The following STK31 variants were observed in gnomAD, a reference collection of about 807,000 sequenced individuals.
STK31 encodes the protein serine/threonine-protein kinase 31.
Under a neutral mutation model 129.7 loss-of-function variants are expected in STK31, and 89 were observed. The ratio of observed to expected loss-of-function variants is 0.69; its 90% CI spans 0.58 to 0.82. The LOEUF is 0.82. STK31 is among the 40% of genes least tolerant of loss of function. The probability of loss-of-function intolerance (pLI) is 0.00; values close to 1 mark genes in which losing one functional copy is unlikely to be tolerated. For synonymous variants in STK31, 448 were observed against 395.3 expected, an observed-to-expected ratio of 1.13 and a Z score of -1.58; for missense variants, 1,187 against 1,176.4, an observed-to-expected ratio of 1.01 and a Z score of -0.13.
chr7:23,821,926 A>G (rs1562633037), intron 23 of STK31, among the ~76,000 whole-genome samples: 1 of 151,858 alleles, frequency 6.6e-6, no homozygotes, highest in Admixed American at 6.6e-5. Context: ...TCCCCAGTAT[A>G]TGTTCTTGGT....
At chr7:23,764,743 G>GGTT (rs1311869636) in intron 11 of STK31, among the ~76,000 whole-genome samples, 1 of 151,758 alleles carries the variant, frequency 6.6e-6, no homozygotes, top group African/African-American at 2.4e-5. Flanking sequence ...TTGTTCTTTT[G>GGTT]GTTCTTGTTC....
chr7:23,816,057 A>C (rs55688543), intron 23 of STK31, among the ~76,000 whole-genome samples: 1,570 of 152,224 alleles, frequency 0.01, 34 homozygotes, highest in African/African-American at 0.035. Context: ...ATACCTTCTA[A>C]TGTCCCACGA....
intron 22 of STK31, among the ~76,000 whole-genome samples, chr7:23,810,867 A>G (rs1242404468): frequency 4.3e-5 from 6 of 140,712 alleles, no homozygotes; most frequent in Non-Finnish European, 6.1e-5. Flanking sequence ...AATATATATT[A>G]TATATAAATA....
chr7:23,753,495 A>G (rs1397954753), intron 9 of STK31, among the ~76,000 whole-genome samples: 1 of 152,206 alleles, frequency 6.6e-6, no homozygotes, highest in African/African-American at 2.4e-5. Flanking sequence ...GGGTTGGAAA[A>G]TGAATGAGTG....
At chr7:23,725,272 T>A (rs1389049505) in intron 4 of STK31, among the ~76,000 whole-genome samples, 6 of 144,954 alleles carry the variant, frequency 4.1e-5, no homozygotes, top group Admixed American at 3.6e-4. Context: ...TGGGGGCTCA[T>A]GCCCGTAATC....
chr7:23,791,072 C>T, intron 22 of STK31, 126 bp downstream of exon 22: 1 of 1,009,036 alleles, frequency 9.9e-7, no homozygotes, highest in Non-Finnish European at 1.3e-6. Flanking sequence ...TAAGTTTTAA[C>T]AAAAACTATT....
intron 15 of STK31, among the ~76,000 whole-genome samples, chr7:23,781,161 A>T (rs1425568132): frequency 6.6e-6 from 1 of 152,246 alleles, no homozygotes; most frequent in Non-Finnish European, 1.5e-5. Flanking sequence ...TCTACAGCAG[A>T]TGAAGAGACA....
At chr7:23,739,985 A>C (rs1562563016) in intron 8 of STK31, among the ~76,000 whole-genome samples, 1 of 152,160 alleles carries the variant, frequency 6.6e-6, no homozygotes, top group East Asian at 1.9e-4. Context: ...TGAAATTTAA[A>C]GTAGTTTTTT....
At chr7:23,771,234 T>A in intron 14 of STK31, 110 bp downstream of exon 14, 1 of 954,400 alleles carries the variant, frequency 1.0e-6, no homozygotes, top group Non-Finnish European at 1.4e-6. Flanking sequence ...TTGTTATTAC[T>A]AGAATTCACT....
chr7:23,792,258 C>T (rs1318453982), intron 22 of STK31, among the ~76,000 whole-genome samples: 1 of 152,050 alleles, frequency 6.6e-6, no homozygotes, highest in South Asian at 2.1e-4. Context: ...TACATAAAAG[C>T]TACTAGAACA....
chr7:23,743,779 G>C (rs946486061), intron 8 of STK31, among the ~76,000 whole-genome samples: 1 of 151,822 alleles, frequency 6.6e-6, no homozygotes, highest in African/African-American at 2.4e-5. Flanking sequence ...ATACTTGTTT[G>C]CAGTGTGGTG....
At chr7:23,715,452 CAAAAAAAA>C (rs5882910) in intron 3 of STK31, among the ~76,000 whole-genome samples, 61 of 128,418 alleles carry the variant, frequency 4.8e-4, no homozygotes, top group Admixed American at 1.3e-3. Context: ...CTTGTCGCTA[CAAAAAAAA>C]AAAAAAAAAT....
intron 17 of STK31, 72 bp from the exon 18 acceptor site, chr7:23,785,406 C>G (rs1184739587): frequency 6.4e-7 from 1 of 1,569,044 alleles, no homozygotes; most frequent in Non-Finnish European, 8.7e-7. Context: ...TATCGTGTAA[C>G]TAATTATTTT....
At chr7:23,776,377 G>C (rs1163241645) in intron 15 of STK31, among the ~76,000 whole-genome samples, 2 of 151,908 alleles carry the variant, frequency 1.3e-5, no homozygotes, top group Admixed American at 1.3e-4. Flanking sequence ...CTCTTTTTCT[G>C]TTGTTTGGAA....
At chr7:23,771,462 C>T (rs1790188809) in intron 14 of STK31, 2 of 162,634 alleles carry the variant, frequency 1.2e-5, no homozygotes. Flanking sequence ...TATTTACTCA[C>T]TGGATGTGCA....
intron 4 of STK31, 107 bp downstream of exon 4, chr7:23,717,686 AT>A (rs1786433219): frequency 6.2e-6 from 5 of 803,086 alleles, no homozygotes; most frequent in Non-Finnish European, 9.9e-6. Flanking sequence ...GAAGAGGCTG[AT>A]TTTTGGAATT....
chr7:23,815,219 G>GA lies in STK31; in HGVS notation c.2829+8dup, dbSNP rs5882915. The GA allele has an allele frequency of 0.47, 733,820 of 1,566,936 alleles. 174,643 individuals carry two copies. Among genetic ancestry groups the GA allele is most frequent in the Admixed American group, 0.58 (31,344 of 54,042 alleles). The stretch of plus-strand genomic sequence containing the variant: ...AGTGGATCAGTTTCATCTGGTATGT[G>GA]ACCTTTTTGACATTTACTGGTTTGA... On this transcript the variant is annotated splice_region_variant and intron_variant, in intron 23 of 23. Coordinates refer to ENST00000355870, the MANE Select transcript of STK31 (RefSeq NM_031414.5).
At chr7:23,724,745 T>C (rs1276386005) in intron 4 of STK31, among the ~76,000 whole-genome samples, 1 of 152,224 alleles carries the variant, frequency 6.6e-6, no homozygotes, top group Non-Finnish European at 1.5e-5. Context: ...CTATTACTGC[T>C]CTCTCTTGCC....
At chr7:23,731,248 A>G (rs1299074162) in intron 6 of STK31, among the ~76,000 whole-genome samples, 1 of 152,042 alleles carries the variant, frequency 6.6e-6, no homozygotes, top group Admixed American at 6.6e-5. Context: ...TTGGCACACA[A>G]TGTTTTCTGG....
Sources: gnomAD v4.1 joint callset for allele counts (sites outside exome capture counted in the v4.1 genomes callset) on GRCh38, gnomAD v4.1.1 for gene constraint, MANE v1.5 for transcripts, NCBI Gene and HGNC (gene_info 2026-07-23, HGNC 2026-07-21) for gene names.